Variants in FGF12 observed in about 807,000 individuals in gnomAD.
FGF12 encodes the protein fibroblast growth factor 12.
A neutral mutation model predicts 23.6 loss-of-function variants in FGF12; 14 were observed. The ratio of observed to expected loss-of-function variants is 0.59; its 90% CI spans 0.39 to 0.93. The LOEUF is 0.93. Among genes scored for constraint, FGF12 ranks in the 40% least tolerant of loss-of-function variants. The pLI is 0.00. For synonymous variants in FGF12, 62 were observed against 77.3 expected (o/e 0.80, Z 1.04); for missense variants, 175 against 217.8 (o/e 0.80, Z 1.24).
chr3:192,472,833 C>T (rs1723211591), intron 2 of FGF12, among the ~76,000 whole-genome samples: 1 of 152,164 alleles, frequency 6.6e-6, no homozygotes, highest in Admixed American at 6.5e-5. Context: ...CCTGTGTCTC[C>T]ATGATTTCGA....
intron 2 of FGF12, among the ~76,000 whole-genome samples, chr3:192,396,264 C>T (rs926256181): frequency 2.0e-5 from 3 of 152,166 alleles, no homozygotes; most frequent in Non-Finnish European, 4.4e-5. Flanking sequence ...TACTGCCTTA[C>T]ACAAAAGAAG....
At chr3:192,370,989 T>C (rs1475721672) in intron 2 of FGF12, among the ~76,000 whole-genome samples, 1 of 152,214 alleles carries the variant, frequency 6.6e-6, no homozygotes, top group East Asian at 1.9e-4. Context: ...AATACCTTCT[T>C]GCCTTTTAAG....
At chr3:192,510,518 G>C (rs537123500) in intron 2 of FGF12, among the ~76,000 whole-genome samples, 13 of 152,278 alleles carry the variant, frequency 8.5e-5, no homozygotes, top group Non-Finnish European at 1.5e-4. Flanking sequence ...TTCATTGCTG[G>C]TGGGACAGCC....
At chr3:192,482,055 T>C (rs1723495013) in intron 2 of FGF12, among the ~76,000 whole-genome samples, 1 of 152,178 alleles carries the variant, frequency 6.6e-6, no homozygotes, top group Admixed American at 6.5e-5. Context: ...TGTTTGCTAC[T>C]ATGTCATTAT....
In FGF12 at chr3:192,427,015, C is replaced by T. The variant is rs575640394; in HGVS notation, c.14-66477G>A. Reference sequence around the variant, plus strand: ...TAATTACTTGGCATGGTTTATGGCACGCAGTATGTGCTGAATAAATGCTAG... The same window carrying T: ...TAATTACTTGGCATGGTTTATGGCATGCAGTATGTGCTGAATAAATGCTAG... On this transcript the variant is annotated intron_variant, in intron 2 of 5. Transcript: ENST00000445105. Among the ~76,000 whole-genome samples, 12 of 152,052 alleles carry T rather than the reference C, an allele frequency of 7.9e-5. No homozygotes were observed. In the South Asian group the frequency reaches 1.0e-3, roughly 13 times the overall value.
At chr3:192,207,817 C>G (rs1221899188) in intron 4 of FGF12, among the ~76,000 whole-genome samples, 4 of 152,148 alleles carry the variant, frequency 2.6e-5, no homozygotes, top group Admixed American at 6.5e-5. Flanking sequence ...AAACTGGTGT[C>G]AAGACTTACA....
chr3:192,311,101 C>T (rs1377278287), intron 4 of FGF12, among the ~76,000 whole-genome samples: 1 of 152,086 alleles, frequency 6.6e-6, no homozygotes, highest in African/African-American at 2.4e-5. Context: ...GACATTTTAG[C>T]TTTTGTTTGG....
At chr3:192,525,280 G>T (rs1244960863) in intron 2 of FGF12, among the ~76,000 whole-genome samples, 2 of 151,954 alleles carry the variant, frequency 1.3e-5, no homozygotes, top group African/African-American at 4.8e-5. Flanking sequence ...AGGATCCACA[G>T]GTATTTCAAA....
chr3:192,329,039 T>C (rs750242733), intron 4 of FGF12, among the ~76,000 whole-genome samples: 3 of 152,202 alleles, frequency 2.0e-5, no homozygotes, highest in Non-Finnish European at 2.9e-5. Flanking sequence ...ATACTTGAAA[T>C]AGGCAATTCT....
chr3:192,309,116 TAA>T (rs1345785287), intron 4 of FGF12, among the ~76,000 whole-genome samples: 1 of 152,196 alleles, frequency 6.6e-6, no homozygotes, highest in Non-Finnish European at 1.5e-5. Context: ...AGCAAAGATG[TAA>T]CCATAAACAT....
At chr3:192,188,723 C>T (rs760132848) in intron 4 of FGF12, among the ~76,000 whole-genome samples, 3 of 152,142 alleles carry the variant, frequency 2.0e-5, no homozygotes, top group Non-Finnish European at 4.4e-5. Context: ...CAGAAAGTTC[C>T]TTCATTTCTA....
chr3:192,359,697 T>C lies in FGF12; in HGVS notation c.124+731A>G, dbSNP rs73068559. Among the ~76,000 whole-genome samples, 412 of 152,232 alleles carry C rather than the reference T, an allele frequency of 2.7e-3. 1 individual carries two copies. The highest frequency in any genetic ancestry group is 9.4e-3 in the African/African-American group (389 of 41,548). ...ATTTTGTCATACCGTGATGATTGCATTTAATTTTTTAACTTGTCAACTCTA... is the reference window on the plus strand; with the variant it reads ...ATTTTGTCATACCGTGATGATTGCACTTAATTTTTTAACTTGTCAACTCTA... On this transcript the variant is annotated intron_variant, in intron 3 of 5. Transcript: ENST00000445105.
At chr3:192,681,485 C>T (rs1211220963) in intron 2 of FGF12, among the ~76,000 whole-genome samples, 2 of 152,150 alleles carry the variant, frequency 1.3e-5, no homozygotes, top group Non-Finnish European at 2.9e-5. Context: ...GAATACAAGT[C>T]GTGAGATTCT....
At chr3:192,381,177 G>A (rs1049629674) in intron 2 of FGF12, among the ~76,000 whole-genome samples, 1 of 152,040 alleles carries the variant, frequency 6.6e-6, no homozygotes, top group African/African-American at 2.4e-5. Flanking sequence ...AGACCTAGGT[G>A]GTTGGACATC....
chr3:192,422,126 T>C lies in FGF12; in HGVS notation c.14-61588A>G, dbSNP rs114447035. On this transcript the variant is annotated intron_variant, in intron 2 of 5. Transcript: ENST00000445105. ...AGATAACTGTTGGTGAACAGTTTTG[T>C]AATAATTTGGATAAAAGACAGAGAT... Among the ~76,000 whole-genome samples the C allele has an allele frequency of 2.6e-3, 400 of 152,242 alleles. 1 individual carries two copies. The highest frequency in any genetic ancestry group is 9.2e-3 in the African/African-American group (381 of 41,544).
chr3:192,418,103 T>G (rs191920115), intron 2 of FGF12, among the ~76,000 whole-genome samples: 1 of 152,244 alleles, frequency 6.6e-6, no homozygotes, highest in Non-Finnish European at 1.5e-5. Context: ...TATCAAGTTA[T>G]GTAGATGTTA....
At chr3:192,300,725 C>T (rs1025651571) in intron 4 of FGF12, among the ~76,000 whole-genome samples, 18 of 152,084 alleles carry the variant, frequency 1.2e-4, no homozygotes, top group African/African-American at 4.3e-4. Flanking sequence ...GGTTAAGAAT[C>T]CCTGAAGGCT....
chr3:192,459,941 C>A (rs76871649), intron 2 of FGF12, among the ~76,000 whole-genome samples: 1 of 151,944 alleles, frequency 6.6e-6, no homozygotes, highest in East Asian at 1.9e-4. Flanking sequence ...TCATTGAGTA[C>A]CTTTCATGTA....
chr3:192,418,369 G>T (rs956853363), intron 2 of FGF12, among the ~76,000 whole-genome samples: 1 of 152,098 alleles, frequency 6.6e-6, no homozygotes, highest in Non-Finnish European at 1.5e-5. Flanking sequence ...CACAGACTAT[G>T]GAGAATTAAC....
Sources: gnomAD v4.1 joint callset for allele counts (sites outside exome capture counted in the v4.1 genomes callset) on GRCh38, gnomAD v4.1.1 for gene constraint, MANE v1.5 for transcripts, NCBI Gene and HGNC (gene_info 2026-07-23, HGNC 2026-07-21) for gene names.